Variants in MBNL2 observed in about 807,000 individuals in gnomAD.
The protein encoded by MBNL2 is muscleblind-like protein 2.
A neutral mutation model predicts 41.9 loss-of-function variants in MBNL2; 17 were observed. The ratio of observed to expected loss-of-function variants is 0.41; its 90% CI spans 0.28 to 0.61. MBNL2 has a LOEUF of 0.61. Ranked by LOEUF, MBNL2 falls within the 20% of genes least tolerant of loss-of-function variation. The probability of loss-of-function intolerance (pLI) is 0.35; values close to 1 mark genes in which losing one functional copy is unlikely to be tolerated. For synonymous variants in MBNL2, 195 were observed against 182.9 expected (o/e 1.07, Z -0.53); for missense variants, 336 against 505.6 (o/e 0.66, Z 3.22).
chr13:97,334,586 A>G lies in MBNL2; in HGVS notation c.339+146A>G, dbSNP rs2060721307. 1 of 475,870 alleles carries G rather than the reference A, an allele frequency of 2.1e-6. No individual in the cohort carries two copies. The highest frequency in any genetic ancestry group is 3.6e-6 in the Non-Finnish European group (1 of 276,936). 29.5% of individuals were successfully genotyped at this position (475,870 alleles called of 1,614,324 possible). ...CTTTAAAGCTCAATAGATGAAGGAAAATAGGCTTTTAAAAAAATTAATAGA... is the reference window on the plus strand; with the variant it reads ...CTTTAAAGCTCAATAGATGAAGGAAGATAGGCTTTTAAAAAAATTAATAGA... On this transcript the variant is annotated intron_variant, in intron 3 of 8. Transcript: ENST00000679496. This position sits in a 1 kb window ranked among gnomAD's most constrained non-coding sequence, Gnocchi z 5.3.
the MBNL2 span, among the ~76,000 whole-genome samples, chr13:97,187,777 G>A: frequency 6.6e-6 from 1 of 151,660 alleles, no homozygotes; most frequent in Non-Finnish European, 1.5e-5. Context: ...AGAGGTGGCG[G>A]GCGCCTGTAG....
the MBNL2 span, among the ~76,000 whole-genome samples, chr13:97,171,773 A>G: frequency 6.6e-6 from 1 of 152,170 alleles, no homozygotes; most frequent in Admixed American, 6.5e-5. Flanking sequence ...CTCATCTTGA[A>G]TTGTAGCTCC....
At chr13:97,169,046 C>G in the MBNL2 span, among the ~76,000 whole-genome samples, 3 of 152,160 alleles carry the variant, frequency 2.0e-5, no homozygotes, top group East Asian at 1.9e-4. Context: ...GTCTACTCCC[C>G]CCTTTGTCGC....
At chr13:97,354,926 G>A (rs2062851466) in intron 5 of MBNL2, among the ~76,000 whole-genome samples, 1 of 152,178 alleles carries the variant, frequency 6.6e-6, no homozygotes, top group Non-Finnish European at 1.5e-5. Flanking sequence ...TTCTCAATGT[G>A]CTCTATGAGA....
intron 2 of MBNL2, among the ~76,000 whole-genome samples, chr13:97,312,257 A>G (rs1401572785): frequency 3.9e-5 from 6 of 152,250 alleles, no homozygotes; most frequent in Non-Finnish European, 7.3e-5. Context: ...GACGGAAAAC[A>G]TCATCTCAGT....
intron 8 of MBNL2, among the ~76,000 whole-genome samples, chr13:97,382,494 C>T (rs372764238): frequency 2.0e-5 from 3 of 152,252 alleles, no homozygotes; most frequent in African/African-American, 7.2e-5. Context: ...AATTCCATGA[C>T]TAGAATGTCA....
chr13:97,192,204 A>T, the MBNL2 span, among the ~76,000 whole-genome samples: 1 of 152,228 alleles, frequency 6.6e-6, no homozygotes, highest in Non-Finnish European at 1.5e-5. Context: ...GGATTCAGAA[A>T]AAAAGAGAGG....
chr13:97,212,628 C>T, the MBNL2 span, among the ~76,000 whole-genome samples: 1 of 152,230 alleles, frequency 6.6e-6, no homozygotes, highest in Admixed American at 6.5e-5. Flanking sequence ...CTGTGCGACC[C>T]TGGAAAGGTT....
chr13:97,241,113 G>C (rs2044189582), intron 1 of MBNL2, among the ~76,000 whole-genome samples: 1 of 152,216 alleles, frequency 6.6e-6, no homozygotes, highest in Admixed American at 6.5e-5. Flanking sequence ...GTTGCTCAGA[G>C]CATGAATATG....
chr13:97,246,304 CA>C lies in MBNL2; in HGVS notation c.-605+23774del, dbSNP rs1566364136. Among the ~76,000 whole-genome samples, 822 of 151,382 alleles carry C rather than the reference CA, an allele frequency of 5.4e-3. 10 individuals are homozygous for C. The highest frequency in any genetic ancestry group is 0.018 in the African/African-American group (739 of 41,252). Reference sequence around the variant, plus strand: ...ACACACACACACACACACACACACACACACACCTATTTATGTGGGTGAATCC... The same window carrying C: ...ACACACACACACACACACACACACACCACACCTATTTATGTGGGTGAATCC... On this transcript the variant is annotated intron_variant, in intron 1 of 8. Transcript: ENST00000679496.
chr13:97,356,196 C>G (rs894894462), intron 5 of MBNL2, among the ~76,000 whole-genome samples: 1 of 152,044 alleles, frequency 6.6e-6, no homozygotes, highest in African/African-American at 2.4e-5. Context: ...AAATAAAGAT[C>G]CAAACCCAAC....
At chr13:97,152,038 T>C in the MBNL2 span, among the ~76,000 whole-genome samples, 3 of 151,862 alleles carry the variant, frequency 2.0e-5, no homozygotes, top group African/African-American at 4.8e-5. Flanking sequence ...AAGTCAGAGA[T>C]GAAAATAAAG....
At chr13:97,247,715 T>C (rs1405024536) in intron 1 of MBNL2, among the ~76,000 whole-genome samples, 2 of 152,222 alleles carry the variant, frequency 1.3e-5, no homozygotes, top group East Asian at 3.8e-4. Context: ...TAATTAGCAA[T>C]ATCATTTATT....
At chr13:97,368,157 C>G (rs1020367924) in intron 8 of MBNL2, among the ~76,000 whole-genome samples, 2 of 152,156 alleles carry the variant, frequency 1.3e-5, no homozygotes, top group Non-Finnish European at 2.9e-5. Flanking sequence ...TGCTTGTAAT[C>G]CCAGCATTTT....
intron 1 of MBNL2, among the ~76,000 whole-genome samples, chr13:97,236,816 T>C (rs767013177): frequency 2.6e-5 from 4 of 152,224 alleles, no homozygotes; most frequent in Non-Finnish European, 5.9e-5. Context: ...TGCTAACTAA[T>C]AATGATGCTG....
intron 2 of MBNL2, among the ~76,000 whole-genome samples, chr13:97,328,201 GCTT>G (rs2153052748): frequency 8.2e-6 from 1 of 122,016 alleles, no homozygotes; most frequent in East Asian, 2.3e-4. Flanking sequence ...TTTTTACACT[GCTT>G]CTCCAGGAGA....
intron 1 of MBNL2, among the ~76,000 whole-genome samples, chr13:97,273,722 G>C (rs2051562355): frequency 6.6e-6 from 1 of 152,174 alleles, no homozygotes; most frequent in Non-Finnish European, 1.5e-5. Context: ...ACACCATTGA[G>C]GCTTCTCCCT....
At chr13:97,353,835 A>G (rs2062728652) in intron 5 of MBNL2, among the ~76,000 whole-genome samples, 2 of 152,140 alleles carry the variant, frequency 1.3e-5, no homozygotes, top group Non-Finnish European at 2.9e-5. Context: ...GCCGTCAGCT[A>G]GATACGTTTC....
At chr13:97,172,829 G>T in the MBNL2 span, 9 of 152,238 alleles carry the variant, frequency 5.9e-5, no homozygotes, top group East Asian at 1.5e-3. Context: ...CTCTTCCAGA[G>T]CTCAGTGAAG....
Sources: allele counts gnomAD v4.1 joint callset (sites outside exome capture counted in the v4.1 genomes callset), GRCh38; gene constraint gnomAD v4.1.1; non-coding constraint Gnocchi (gnomAD v3.1); transcripts MANE v1.5; gene names NCBI Gene and HGNC (gene_info 2026-07-23, HGNC 2026-07-21).